Variants in THBS2 observed in about 807,000 individuals in gnomAD.
THBS2 encodes the protein thrombospondin-2.
Under a neutral mutation model 135.2 loss-of-function variants are expected in THBS2, and 47 were observed. That is an observed-to-expected ratio of 0.35 (90% CI 0.28 to 0.44). The LOEUF is 0.44. THBS2 is among the 20% of genes least tolerant of loss of function. The pLI, the probability that THBS2 is intolerant of heterozygous loss-of-function variation, is 1.00. For missense variants in THBS2, 1,288 were observed against 1,603.1 expected (o/e 0.80, Z 3.36); for synonymous variants, 639 against 633.8 (o/e 1.01, Z -0.12).
intron 7 of THBS2, among the ~76,000 whole-genome samples, chr6:169,238,689 C>T (rs1562361185): frequency 1.3e-5 from 2 of 152,178 alleles, no homozygotes; most frequent in Non-Finnish European, 2.9e-5. Flanking sequence ...ATTTGAAACT[C>T]AGAAAAATCC....
intron 12 of THBS2, 97 bp downstream of exon 12, chr6:169,232,567 C>A: frequency 6.6e-7 from 1 of 1,516,774 alleles, no homozygotes. Context: ...TCCCGGGCCA[C>A]GCCACCCCTT....
chr6:169,216,297 G>A lies in THBS2; in HGVS notation c.*1525C>T, dbSNP rs1053382795. ...ATGTGATGACTATTAACAGAAAGGG[G>A]AAAAAGATTTGCCCCCTATCCATCA... On this transcript the variant is annotated 3_prime_UTR_variant, in exon 22 of 22. Transcript: ENST00000617924. The A allele has an allele frequency of 3.9e-5, 6 of 152,108 alleles. No individual in the cohort carries two copies. Among genetic ancestry groups the A allele is most frequent in the Non-Finnish European group, 8.8e-5 (6 of 68,018 alleles). 9.4% of individuals were successfully genotyped at this position (152,108 alleles called of 1,614,324 possible).
At chr6:169,247,652 G>C (rs1431327440) in intron 3 of THBS2, among the ~76,000 whole-genome samples, 5 of 151,058 alleles carry the variant, frequency 3.3e-5, no homozygotes, top group Non-Finnish European at 3.0e-5. Context: ...TGCGTGCATT[G>C]CATGGCTGTG....
intron 4 of THBS2, 61 bp from the exon 5 acceptor site, chr6:169,242,019 G>T: frequency 6.5e-7 from 1 of 1,534,176 alleles, no homozygotes. Context: ...AGCAGGGGCT[G>T]GGAACAGAGG....
In THBS2 at chr6:169,241,530, G is replaced by C. The variant is rs1780297484; in HGVS notation, c.891+232C>G. Among the ~76,000 whole-genome samples, 1 of 152,008 alleles carries C rather than the reference G, an allele frequency of 6.6e-6. No homozygotes were observed. Among genetic ancestry groups the C allele is most frequent in the South Asian group, 2.1e-4 (1 of 4,816 alleles). On this transcript the variant is annotated intron_variant, in intron 5 of 21. Transcript: ENST00000617924. This position sits in a 1 kb window ranked among gnomAD's most constrained non-coding sequence, Gnocchi z 5.5. ...GAATTTATTTTGGAGACTGTGCCCA[G>C]GACTGTTTTCCTTGGGAATACTTCC...
intron 1 of THBS2, 41 bp from the exon 2 acceptor site, chr6:169,250,847 C>A: frequency 6.9e-7 from 1 of 1,446,146 alleles, no homozygotes; most frequent in Non-Finnish European, 9.6e-7. Context: ...GAGTCCACAG[C>A]TGCAACCCTG....
chr6:169,219,346 G>GGATGGATGGATGGATGA (rs1554244185), intron 21 of THBS2, among the ~76,000 whole-genome samples: 6 of 129,128 alleles, frequency 4.6e-5, no homozygotes, highest in South Asian at 5.2e-4. Context: ...GTGGGTGGAT[G>GGATGGATGGATGGATGA]GATGGATGGT....
chr6:169,245,151 G>A (rs1007829230), intron 4 of THBS2, among the ~76,000 whole-genome samples: 1 of 152,214 alleles, frequency 6.6e-6, no homozygotes, highest in African/African-American at 2.4e-5. Flanking sequence ...CGTGAGCTCC[G>A]CTTTGAGGCT....
chr6:169,250,652 CTT>C (rs1327966551), intron 2 of THBS2, 79 bp downstream of exon 2: 2 of 1,349,342 alleles, frequency 1.5e-6, no homozygotes, highest in African/African-American at 2.9e-5. Flanking sequence ...CAACCACACA[CTT>C]TATTTTGTCA....
At chr6:169,224,907 C>A (rs763030362) in intron 17 of THBS2, among the ~76,000 whole-genome samples, 2 of 152,178 alleles carry the variant, frequency 1.3e-5, no homozygotes, top group Admixed American at 6.5e-5. Context: ...CTCCTCCCGA[C>A]GTGCACACAC....
rs762968432 is a variant in THBS2, at chr6:169,241,750, G to C, written c.891+12C>G. On this transcript the variant is annotated intron_variant, in intron 5 of 21. Transcript: ENST00000617924. The surrounding 1 kb of genome is among the most constrained non-coding windows in gnomAD (Gnocchi z 5.5). Reference sequence around the variant, plus strand: ...GCCCTATGACCCCCGCGGCCCCTGCGTGAGTACCCACCACTCTCTTGAGGT... The same window carrying C: ...GCCCTATGACCCCCGCGGCCCCTGCCTGAGTACCCACCACTCTCTTGAGGT... The C allele has an allele frequency of 6.3e-7, 1 of 1,593,740 alleles. No individual in the cohort carries two copies. The highest frequency in any genetic ancestry group is 1.7e-5 in the Admixed American group (1 of 59,528).
At chr6:169,249,448 C>A (rs887452012) in intron 2 of THBS2, among the ~76,000 whole-genome samples, 9 of 152,176 alleles carry the variant, frequency 5.9e-5, no homozygotes, top group African/African-American at 1.4e-4. Context: ...CAGGAAAAAA[C>A]CAAATAAATG....
chr6:169,223,609 T>G (rs1382722617), intron 17 of THBS2, 134 bp from the exon 18 acceptor site: 1 of 689,770 alleles, frequency 1.4e-6, no homozygotes, highest in South Asian at 1.9e-5. Context: ...ACTGAGTGCT[T>G]TGCAGTGTTT....
intron 4 of THBS2, among the ~76,000 whole-genome samples, chr6:169,245,752 A>T (rs989905993): frequency 6.7e-6 from 1 of 149,346 alleles, no homozygotes; most frequent in African/African-American, 2.5e-5. Context: ...AGATCGCACC[A>T]CTGCACTCCA....
At chr6:169,242,771 C>T (rs1237429640) in intron 4 of THBS2, among the ~76,000 whole-genome samples, 8 of 145,216 alleles carry the variant, frequency 5.5e-5, no homozygotes, top group Non-Finnish European at 9.2e-5. Context: ...CCCATCTTCC[C>T]ATCTTCCCAC....
Position 169,240,518 on chromosome 6 carries a change from C to T in THBS2, c.966G>A (p.Gln322=), listed in dbSNP as rs754347149. The stretch of plus-strand genomic sequence containing the variant: ...CATTTTCCGCAAAGAACCGGCCATC[C>T]TGCCAGCAAGCTGACATGTTCCTTG... ...PKTRNMSACW[Q]DGRFFAENET... is the part of the protein sequence containing the mutation. Residue 322 remains glutamine, a synonymous_variant, in exon 6 of 22, where the codon CAG becomes CAA. Transcript: ENST00000617924. 3 of 1,613,894 alleles carry T rather than the reference C, an allele frequency of 1.9e-6. No individual in the cohort carries two copies. In the East Asian group the frequency reaches 6.7e-5, roughly 36 times the overall value.
At chr6:169,224,006 G>A (rs535241615) in intron 17 of THBS2, among the ~76,000 whole-genome samples, 1 of 152,328 alleles carries the variant, frequency 6.6e-6, no homozygotes, top group East Asian at 1.9e-4. Flanking sequence ...GGGGAGTGGG[G>A]ATGAGGTGGG....
At chr6:169,248,243 C>T (rs1583422085) in intron 3 of THBS2, among the ~76,000 whole-genome samples, 174 bp downstream of exon 3, 1 of 151,868 alleles carries the variant, frequency 6.6e-6, no homozygotes, top group Non-Finnish European at 1.5e-5. Flanking sequence ...GCAGTGTGTG[C>T]ATGTGCATGT....
intron 17 of THBS2, 52 bp downstream of exon 17, chr6:169,225,093 G>T: frequency 6.4e-7 from 1 of 1,563,264 alleles, no homozygotes; most frequent in Non-Finnish European, 8.8e-7. Flanking sequence ...TGCCCTGGCG[G>T]GTTGCTCAGA....
Sources: allele counts gnomAD v4.1 joint callset (sites outside exome capture counted in the v4.1 genomes callset), GRCh38; gene constraint gnomAD v4.1.1; non-coding constraint Gnocchi (gnomAD v3.1); transcripts MANE v1.5; gene names NCBI Gene and HGNC (gene_info 2026-07-23, HGNC 2026-07-21).